Variants in ANO4 observed in about 807,000 individuals in gnomAD.
The protein encoded by ANO4 is anoctamin 4.
A neutral mutation model predicts 141.9 loss-of-function variants in ANO4; 69 were observed. The observed-to-expected ratio is 0.49, with a 90% CI of 0.40 to 0.59. The LOEUF is 0.59. Ranked by LOEUF, ANO4 falls within the 20% of genes least tolerant of loss-of-function variation. The probability of loss-of-function intolerance (pLI) is 0.00; values close to 1 mark genes in which losing one functional copy is unlikely to be tolerated. For synonymous variants in ANO4, 350 were observed against 394.3 expected (o/e 0.89, Z 1.33); for missense variants, 894 against 1,162.2 (o/e 0.77, Z 3.36).
chr12:100,768,591 C>T (rs775935371), intron 3 of ANO4, among the ~76,000 whole-genome samples: 1 of 152,084 alleles, frequency 6.6e-6, no homozygotes, highest in Non-Finnish European at 1.5e-5. Context: ...AGAACTTTTT[C>T]TTATTTCTCT....
chr12:100,994,321 G>C (rs547390307), intron 8 of ANO4, among the ~76,000 whole-genome samples: 2 of 152,266 alleles, frequency 1.3e-5, no homozygotes, highest in South Asian at 4.1e-4. Flanking sequence ...CTTCACCTCT[G>C]TGCCTGTGAA....
At chr12:100,737,119 G>C (rs1038779609) in intron 2 of ANO4, among the ~76,000 whole-genome samples, 3 of 152,250 alleles carry the variant, frequency 2.0e-5, no homozygotes, top group Middle Eastern at 3.4e-3. Flanking sequence ...CAGTTCCCTG[G>C]CTCAAATTGG....
intron 2 of ANO4, among the ~76,000 whole-genome samples, chr12:100,920,563 C>T (rs1286784702): frequency 1.3e-5 from 2 of 148,552 alleles, no homozygotes; most frequent in African/African-American, 2.5e-5. Context: ...AAGCAAATAA[C>T]CCATTTTAAT....
At chr12:100,932,722 C>T (rs1272993642) in intron 3 of ANO4, among the ~76,000 whole-genome samples, 2 of 152,136 alleles carry the variant, frequency 1.3e-5, no homozygotes, top group Non-Finnish European at 2.9e-5. Context: ...CTGGTCCTCT[C>T]CTGACTTTTC....
chr12:101,093,393 T>C (rs2049855747), intron 17 of ANO4, among the ~76,000 whole-genome samples: 1 of 152,194 alleles, frequency 6.6e-6, no homozygotes, highest in Non-Finnish European at 1.5e-5. Context: ...GCTTGCTGGA[T>C]GGTCAAGCTG....
rs117044138 is a variant in ANO4 at position 100,736,988 on chromosome 12, G to A, written c.107-2866G>A. 5.6e-3 allele frequency among the ~76,000 whole-genome samples: 860 copies of A among 152,244 alleles called. 6 individuals carry two copies. The highest frequency in any genetic ancestry group is 0.01 in the Non-Finnish European group (684 of 68,006). On this transcript the variant is annotated intron_variant, in intron 2 of 29. Transcript: ENST00000644049. Reference sequence around the variant, plus strand: ...AATTTCTGTTGTTTTAAGCCACCCAGTTTGTGGTACTTTGTCACAGCAGCC... The same window carrying A: ...AATTTCTGTTGTTTTAAGCCACCCAATTTGTGGTACTTTGTCACAGCAGCC...
intron 2 of ANO4, among the ~76,000 whole-genome samples, chr12:100,919,732 GTATGTATCTATCTATC>G (rs1221128569): frequency 8.9e-5 from 10 of 111,974 alleles, no homozygotes; most frequent in African/African-American, 2.5e-4. Context: ...ATGTGTGTAT[GTATGTATCTATCTATC>G]TATCTATCTA....
Position 100,817,032 on chromosome 12 carries a change from G to A in ANO4, c.-141+22005G>A, listed in dbSNP as rs1436489215. Among the ~76,000 whole-genome samples the A allele has an allele frequency of 2.6e-5, 4 of 151,760 alleles. No homozygotes were observed. The East Asian group carries it at 7.7e-4, about 29-fold the overall frequency. On this transcript the variant is annotated intron_variant, in intron 1 of 27. Transcript: ENST00000392977. ...TCTTGTGGGGAATGACTTAGGAACA[G>A]TTTTCTTGAATGTAGAGATTTGAAA... is the stretch of plus-strand genomic sequence containing the variant.
intron 8 of ANO4, among the ~76,000 whole-genome samples, chr12:101,014,297 T>G (rs1398064816): frequency 6.6e-6 from 1 of 152,184 alleles, no homozygotes; most frequent in Non-Finnish European, 1.5e-5. Context: ...AAAACCCGAT[T>G]GCGCAGCGTA....
At chr12:100,906,208 G>A (rs2040837858) in intron 2 of ANO4, among the ~76,000 whole-genome samples, 2 of 152,128 alleles carry the variant, frequency 1.3e-5, no homozygotes, top group Non-Finnish European at 1.5e-5. Flanking sequence ...AAGTAGGAAA[G>A]AGAGAAAGGG....
At chr12:101,044,798 CTG>C (rs549068784) in intron 13 of ANO4, among the ~76,000 whole-genome samples, 2 of 152,230 alleles carry the variant, frequency 1.3e-5, no homozygotes, top group East Asian at 3.9e-4. Context: ...ACAAAATGCT[CTG>C]AGCCCTATCT....
chr12:101,066,695 A>G, intron 14 of ANO4: 1 of 694,026 alleles, frequency 1.4e-6, no homozygotes, highest in Non-Finnish European at 2.6e-6. Context: ...CCTGGAGCAC[A>G]GCAAGGTCAG....
intron 13 of ANO4, among the ~76,000 whole-genome samples, chr12:101,046,424 G>A (rs553636575): frequency 3.9e-5 from 6 of 152,292 alleles, no homozygotes; most frequent in African/African-American, 1.4e-4. Flanking sequence ...AGAGAGGCTA[G>A]AGTAGAGCTT....
intron 1 of ANO4, among the ~76,000 whole-genome samples, chr12:100,839,132 A>G (rs2097295492): frequency 6.6e-6 from 1 of 152,102 alleles, no homozygotes; most frequent in Admixed American, 6.6e-5. Context: ...GATGGACATC[A>G]TTCTGTCTTT....
At chr12:100,967,596 CACACACACACAG>C (rs1411182632) in intron 5 of ANO4, among the ~76,000 whole-genome samples, 2 of 149,242 alleles carry the variant, frequency 1.3e-5, no homozygotes, top group Non-Finnish European at 2.9e-5. Flanking sequence ...CACACACACA[CACACACACACAG>C]AGGACTCATA....
At chr12:100,732,431 A>G (rs1485393482) in intron 1 of ANO4, among the ~76,000 whole-genome samples, 1 of 151,742 alleles carries the variant, frequency 6.6e-6, no homozygotes, top group African/African-American at 2.4e-5. Context: ...TTGTTTTCTT[A>G]TTGTTGTTTT....
intron 1 of ANO4, among the ~76,000 whole-genome samples, chr12:100,834,000 C>A (rs1182683117): frequency 6.6e-6 from 1 of 151,978 alleles, no homozygotes; most frequent in African/African-American, 2.4e-5. Context: ...AAGAGAGGAC[C>A]TTTTGGGAGG....
intron 1 of ANO4, among the ~76,000 whole-genome samples, chr12:100,899,781 T>G (rs1329931612): frequency 2.6e-5 from 4 of 152,242 alleles, no homozygotes; most frequent in Non-Finnish European, 5.9e-5. Context: ...AGTAGACTTC[T>G]TATTGTAGCT....
chr12:101,123,036 A>C (rs1486170665), intron 26 of ANO4, among the ~76,000 whole-genome samples: 1 of 152,192 alleles, frequency 6.6e-6, no homozygotes, highest in South Asian at 2.1e-4. Flanking sequence ...CTATGACTCT[A>C]GTCATAAGTG....
Sources: allele counts gnomAD v4.1 joint callset (sites outside exome capture counted in the v4.1 genomes callset), GRCh38; gene constraint gnomAD v4.1.1; transcripts MANE v1.5; gene names NCBI Gene and HGNC (gene_info 2026-07-23, HGNC 2026-07-21).